ARL14EP: variants seen among roughly 807,000 people sequenced by gnomAD.
ARL14EP encodes ARL14 effector protein.
ARL14EP carries 12 observed loss-of-function variants against 23.1 expected under a neutral mutation model. The observed-to-expected ratio is 0.52, with a 90% confidence interval of 0.33 to 0.84. The LOEUF (loss-of-function observed/expected upper bound fraction) is 0.84. ARL14EP is among the 40% of genes least tolerant of loss of function. ARL14EP has a pLI of 0.02. For synonymous variants in ARL14EP, 97 were observed against 102.0 expected (o/e 0.95, Z 0.29); for missense variants, 253 against 307.3 (o/e 0.82, Z 1.32).
At chr11:30,334,814 G>T (rs1220223940) in intron 3 of ARL14EP, among the ~76,000 whole-genome samples, 2 of 152,162 alleles carry the variant, frequency 1.3e-5, no homozygotes, top group Non-Finnish European at 2.9e-5. Flanking sequence ...TAGATAAAAG[G>T]ATTCCTTTCA....
At chr11:30,334,501 A>G (rs1427670213) in intron 3 of ARL14EP, among the ~76,000 whole-genome samples, 1 of 152,104 alleles carries the variant, frequency 6.6e-6, no homozygotes, top group Non-Finnish European at 1.5e-5. Flanking sequence ...GGTGTGAGCC[A>G]CCACGCCCAG....
At chr11:30,331,729 C>T (rs1947285967) in intron 2 of ARL14EP, 12 of 1,065,616 alleles carry the variant, frequency 1.1e-5, no homozygotes, top group African/African-American at 1.7e-5. Context: ...CACCAAGGGT[C>T]TTTGCAGCAG....
chr11:30,333,866 A>G (rs1430247230), intron 3 of ARL14EP, among the ~76,000 whole-genome samples: 1 of 152,202 alleles, frequency 6.6e-6, no homozygotes, highest in Non-Finnish European at 1.5e-5. Flanking sequence ...TTCAGGAAGG[A>G]CATTAAAAGT....
intron 1 of ARL14EP, chr11:30,328,777 C>T (rs929513830): frequency 6.6e-6 from 1 of 151,638 alleles, no homozygotes; most frequent in African/African-American, 2.4e-5. Flanking sequence ...TTTAAGATTT[C>T]TCTCCAGTTT....
chr11:30,336,630 G>GGAC lies in ARL14EP; in HGVS notation c.619_621dup (p.Asp207dup). ...AGGGTCTCCTGATTTTTAGTGGGAT[G>GGAC]GACCTCTGTGACTGCCTGGATGAAG... is the stretch of plus-strand genomic sequence containing the variant. On this transcript the variant is annotated inframe_insertion, in exon 4 of 4. Transcript: ENST00000282032. 6.2e-7 allele frequency: 1 copy of GGAC among 1,614,084 alleles called. No individual in the cohort carries two copies.
intron 1 of ARL14EP, among the ~76,000 whole-genome samples, chr11:30,324,046 C>T (rs1053592488): frequency 2.0e-5 from 3 of 152,162 alleles, no homozygotes; most frequent in Non-Finnish European, 2.9e-5. Flanking sequence ...GGCCAATTGT[C>T]ATGTTATAGG....
intron 1 of ARL14EP, among the ~76,000 whole-genome samples, chr11:30,325,178 A>C (rs1947227683): frequency 6.6e-6 from 1 of 152,226 alleles, no homozygotes; most frequent in Non-Finnish European, 1.5e-5. Flanking sequence ...TTGATCTAAT[A>C]GTAGATCTGA....
Position 30,332,934 on chromosome 11 carries a change from A to C in ARL14EP, c.495A>C (p.Pro165=), listed in dbSNP as rs1040404580. The C allele has an allele frequency of 6.2e-7, 1 of 1,613,646 alleles. No individual in the cohort carries two copies. The highest frequency in any genetic ancestry group is 1.3e-5 in the African/African-American group (1 of 74,940). ...CAGGAAGGCAAACTGAATTTGCTCC[A>C]GAAACTGGTAAAAGAGAAAAAAGAA... ...TNPGRQTEFA[P]ETGKREKRRL... Residue 165 remains proline, a synonymous_variant, in exon 3 of 4, where the codon CCA becomes CCC. Coordinates refer to ENST00000282032, the MANE Select transcript of ARL14EP (RefSeq NM_152316.3).
At position 30,336,570 on chromosome 11, in the gene ARL14EP, A is replaced by G. The variant is rs143532462; in HGVS notation, c.558A>G (p.Gln186=). 1.7e-4 allele frequency: 277 copies of G among 1,611,550 alleles called. No homozygotes were observed. The highest frequency in any genetic ancestry group is 2.1e-4 in the Non-Finnish European group (246 of 1,177,762). The change falls in exon 4 of 4, where the codon CAA becomes CAG. Residue 186 remains glutamine (Q), a synonymous_variant. Coordinates refer to ENST00000282032, the MANE Select transcript of ARL14EP (RefSeq NM_152316.3). ...TTCATTGTGTTTTATTTTACAGACA[A>G]GTGATACCAGCAAAGAGTAAGGTCT... ...TKNATAGSDR[Q]VIPAKSKVYD...
At chr11:30,329,037 A>C (rs1947262997) in intron 1 of ARL14EP, 1 of 152,234 alleles carries the variant, frequency 6.6e-6, no homozygotes, top group Non-Finnish European at 1.5e-5. Flanking sequence ...ACTTATGTAC[A>C]TGTCACCAAA....
At chr11:30,327,717 G>A (rs1947247769) in intron 1 of ARL14EP, among the ~76,000 whole-genome samples, 1 of 151,808 alleles carries the variant, frequency 6.6e-6, no homozygotes, top group South Asian at 2.1e-4. Context: ...CCAGCACTTT[G>A]GGAGGCTGAG....
intron 1 of ARL14EP, among the ~76,000 whole-genome samples, chr11:30,327,474 A>G (rs961202259): frequency 2.0e-5 from 3 of 152,192 alleles, no homozygotes; most frequent in Non-Finnish European, 4.4e-5. Context: ...TTTCCTATCA[A>G]ATATGACCAT....
At chr11:30,336,469 T>A in intron 3 of ARL14EP, 98 bp from the exon 4 acceptor site, 1 of 1,167,936 alleles carries the variant, frequency 8.6e-7, no homozygotes, top group Non-Finnish European at 1.2e-6. Context: ...TGACCTCATC[T>A]AAAAATATTT....
At chr11:30,334,559 G>C (rs970588051) in intron 3 of ARL14EP, among the ~76,000 whole-genome samples, 5 of 152,146 alleles carry the variant, frequency 3.3e-5, no homozygotes, top group Non-Finnish European at 7.3e-5. Flanking sequence ...TTCATAGCTA[G>C]AGAGGGGAAG....
rs914191397 is a variant in ARL14EP, at chr11:30,337,534, C to G, written c.*739C>G. On this transcript the variant is annotated 3_prime_UTR_variant, in exon 4 of 4. Transcript: ENST00000282032. ...ACTGACCATGGGAATGTTGTTCTTG[C>G]TGCTGTGTATTCATAGGAGCTTAGT... 1 of 152,084 alleles carries G rather than the reference C, an allele frequency of 6.6e-6. No individual in the cohort carries two copies. Among genetic ancestry groups the G allele is most frequent in the African/African-American group, 2.4e-5 (1 of 41,394 alleles). The allele number at this position is 152,084 out of a possible 1,614,324, so 9.4% of individuals were successfully genotyped here. A position where few individuals can be genotyped will look rare whatever the true frequency, so the allele number is the denominator to read the frequency against.
At chr11:30,332,779 G>A in intron 2 of ARL14EP, 87 bp from the exon 3 acceptor site, 1 of 1,495,562 alleles carries the variant, frequency 6.7e-7, no homozygotes, top group South Asian at 1.2e-5. Flanking sequence ...TCCATGTTAG[G>A]GAATCGTCTG....
chr11:30,331,349 G>T lies in ARL14EP; in HGVS notation c.401G>T (p.Arg134Leu), dbSNP rs187933099. The T allele has an allele frequency of 5.6e-6, 9 of 1,613,806 alleles. No homozygotes were observed. Among genetic ancestry groups the T allele is most frequent in the Admixed American group, 1.7e-5 (1 of 60,004 alleles). The change falls in exon 2 of 4, where the codon CGC (arginine) becomes CTC (leucine). Residue 134 changes from arginine (R) to leucine (L), a missense_variant. Arg to Leu is a moderately radical substitution (Grantham distance 102, BLOSUM62 -2). Coordinates refer to ENST00000282032, the MANE Select transcript of ARL14EP (RefSeq NM_152316.3). ...AGTGTGGATGTTGATACTGAAGACC[G>T]CCAGAAAAGGAAACCTGAGTCAGAT... ...NGSVDVDTED[R>L]QKRKPESDGR... is the part of the protein sequence containing the mutation.
At position 30,337,920 on chromosome 11, in the gene ARL14EP, T is replaced by A. The variant is rs1327830578; in HGVS notation, c.*1125T>A. The A allele has an allele frequency of 6.6e-6, 1 of 152,198 alleles. No homozygotes were observed. The highest frequency in any genetic ancestry group is 2.4e-5 in the African/African-American group (1 of 41,454). The allele number at this position is 152,198 out of a possible 1,614,324, so 9.4% of individuals were successfully genotyped here. On this transcript the variant is annotated 3_prime_UTR_variant, in exon 4 of 4. Coordinates refer to ENST00000282032, the MANE Select transcript of ARL14EP (RefSeq NM_152316.3). ...CTAAATATTTTTAAACATTTTTGCA[T>A]TTTTTTCTACATTTATAACTGGTCT...
intron 1 of ARL14EP, among the ~76,000 whole-genome samples, chr11:30,326,984 G>T (rs1257668124): frequency 3.3e-5 from 5 of 152,196 alleles, no homozygotes; most frequent in Non-Finnish European, 7.4e-5. Context: ...GTAATTCGTT[G>T]TCTGAAATTC....
Sources: allele counts gnomAD v4.1 joint callset (sites outside exome capture counted in the v4.1 genomes callset), GRCh38; gene constraint gnomAD v4.1.1; transcripts MANE v1.5; gene names NCBI Gene and HGNC (gene_info 2026-07-23, HGNC 2026-07-21).